The following KANSL3 variants were observed in gnomAD, a reference collection of about 807,000 sequenced individuals.
KANSL3 encodes KAT8 regulatory NSL complex subunit 3.
In KANSL3, 16 loss-of-function variants were observed where a neutral mutation model predicts 89.2. The observed-to-expected ratio is 0.18, with a 90% CI of 0.12 to 0.27. The LOEUF (loss-of-function observed/expected upper bound fraction) is 0.27. Among genes scored for constraint, KANSL3 ranks in the 10% least tolerant of loss-of-function variants. The pLI is 1.00. For missense variants in KANSL3, 879 were observed against 1,110.6 expected (o/e 0.79, Z 2.96); for synonymous variants, 385 against 419.7 (o/e 0.92, Z 1.01).
chr2:96,632,733 A>T (rs1287670132), intron 2 of KANSL3, among the ~76,000 whole-genome samples: 1 of 152,044 alleles, frequency 6.6e-6, no homozygotes, highest in African/African-American at 2.4e-5. Flanking sequence ...GACTACTTAA[A>T]TTGAGGCAGG....
intron 3 of KANSL3, among the ~76,000 whole-genome samples, chr2:96,624,127 A>G (rs932601165): frequency 1.3e-5 from 2 of 152,228 alleles, no homozygotes; most frequent in Non-Finnish European, 2.9e-5. Context: ...CCTCAACTCA[A>G]TGTTGGGACT....
chr2:96,628,059 C>G, intron 3 of KANSL3: 1 of 1,290,404 alleles, frequency 7.7e-7, no homozygotes, highest in Non-Finnish European at 1.0e-6. Context: ...AATGTCATAA[C>G]AGAAGGGTGG....
chr2:96,611,308 C>G (rs1238041023), intron 9 of KANSL3, among the ~76,000 whole-genome samples, 170 bp from the exon 10 acceptor site: 1 of 152,170 alleles, frequency 6.6e-6, no homozygotes, highest in African/African-American at 2.4e-5. Context: ...GCACAAGACA[C>G]AAGGTATGTC....
chr2:96,619,316 A>G (rs934130097), intron 5 of KANSL3, 43 bp downstream of exon 5: 1 of 1,552,954 alleles, frequency 6.4e-7, no homozygotes, highest in Admixed American at 1.8e-5. Context: ...ACAGGGGAGG[A>G]TGGCTATCCC....
intron 3 of KANSL3, among the ~76,000 whole-genome samples, chr2:96,621,935 G>C (rs2071362507): frequency 6.6e-6 from 1 of 151,908 alleles, no homozygotes; most frequent in South Asian, 2.1e-4. Context: ...CCAACACAGT[G>C]AAACCCTGTC....
rs1272193774 is a variant in KANSL3, at chr2:96,602,138, A to G, written c.2460T>C (p.Ala820=). 2 of 1,586,912 alleles carry G rather than the reference A, an allele frequency of 1.3e-6. No homozygotes were observed. The highest frequency in any genetic ancestry group is 3.6e-5 in the Admixed American group (2 of 55,812). The change falls in exon 19 of 21, where the codon GCT becomes GCC. Residue 820 remains alanine, a synonymous_variant. Transcript: ENST00000431828. ...AKLASSLPGL[A]QISNQASGLK... is the part of the protein sequence containing the mutation. ...CACCTGATGCTTGGTTAGAGATCTGAGCCAGGCCAGGGAGGCTGCTTGCCA... is the reference window on the plus strand; with the variant it reads ...CACCTGATGCTTGGTTAGAGATCTGGGCCAGGCCAGGGAGGCTGCTTGCCA...
Position 96,594,376 on chromosome 2 carries a change from G to A in KANSL3, c.*1235C>T, listed in dbSNP as rs1327943524. ...TCTAAAACTATCTTTGCACACAAGT[G>A]TTGTGAAGAGGTAAGCAGGGGATCA... On this transcript the variant is annotated 3_prime_UTR_variant, in exon 21 of 21. Transcript: ENST00000431828. 1.3e-5 allele frequency: 2 copies of A among 152,210 alleles called. No homozygotes were observed. Among genetic ancestry groups the A allele is most frequent in the Non-Finnish European group, 2.9e-5 (2 of 68,050 alleles). 9.4% of individuals were successfully genotyped at this position (152,210 alleles called of 1,614,324 possible). A position where few individuals can be genotyped will look rare whatever the true frequency, so the allele number is the denominator to read the frequency against.
downstream of KANSL3, among the ~76,000 whole-genome samples, chr2:96,589,252 A>C (rs1180472888): frequency 1.3e-5 from 2 of 152,228 alleles, no homozygotes; most frequent in African/African-American, 4.8e-5. Flanking sequence ...TAAAAACTCT[A>C]ATTAAAAGAA....
chr2:96,597,086 T>G (rs1157956617), intron 20 of KANSL3, among the ~76,000 whole-genome samples: 3 of 152,246 alleles, frequency 2.0e-5, no homozygotes, highest in Non-Finnish European at 4.4e-5. Context: ...GTGTTCACTT[T>G]TCTTTTTAAA....
intron 20 of KANSL3, chr2:96,601,297 C>T (rs1033041696): frequency 1.3e-5 from 13 of 983,292 alleles, no homozygotes; most frequent in African/African-American, 3.5e-5. Context: ...AAAGAAAGAG[C>T]ATTAGCCAAG....
At chr2:96,617,931 C>G (rs921200056) in intron 5 of KANSL3, among the ~76,000 whole-genome samples, 3 of 148,708 alleles carry the variant, frequency 2.0e-5, no homozygotes, top group South Asian at 4.3e-4. Context: ...TGCAGTGAGC[C>G]GAGATCGTGC....
chr2:96,633,726 G>A (rs1367357554), intron 2 of KANSL3, among the ~76,000 whole-genome samples: 2 of 152,098 alleles, frequency 1.3e-5, no homozygotes, highest in Non-Finnish European at 1.5e-5. Flanking sequence ...TTAGCTGGGT[G>A]TGGCAGCGTG....
rs751662202 is a variant in KANSL3, at chr2:96,608,591, T to C, written c.1658A>G (p.Lys553Arg). The C allele has an allele frequency of 6.2e-7, 1 of 1,613,886 alleles. No individual in the cohort carries two copies. Among genetic ancestry groups the C allele is most frequent in the African/African-American group, 1.3e-5 (1 of 74,922 alleles). Residue 553 changes from lysine to arginine, a missense_variant, in exon 14 of 21, where the codon AAG (lysine) becomes AGG (arginine). Lys to Arg is a conservative substitution (Grantham distance 26, BLOSUM62 2). Transcript: ENST00000431828. ...CTGAGAACTTCCAATCTGACTGGAC[T>C]TCTGGGCAGAGGTCACTGTGGTCAC... ...TKVTTVTSAQKSSQIGSSQLL... is the reference protein window; with the variant it reads ...TKVTTVTSAQRSSQIGSSQLL...
downstream of KANSL3, among the ~76,000 whole-genome samples, chr2:96,589,119 TAA>T (rs780655688): frequency 1.5e-3 from 229 of 152,154 alleles, 1 homozygote; most frequent in Non-Finnish European, 2.2e-3. Context: ...AATTGTATTC[TAA>T]AAAAAGTGTT....
intron 5 of KANSL3, among the ~76,000 whole-genome samples, chr2:96,616,606 G>A (rs2070169105): frequency 6.6e-6 from 1 of 152,198 alleles, no homozygotes; most frequent in African/African-American, 2.4e-5. Flanking sequence ...TATCCTTTGG[G>A]AAACAACCAA....
At chr2:96,586,432 A>G in the KANSL3 span, among the ~76,000 whole-genome samples, 1 of 152,060 alleles carries the variant, frequency 6.6e-6, no homozygotes, top group Non-Finnish European at 1.5e-5. Context: ...AAAATAAGAA[A>G]GATTTTCTGT....
intron 5 of KANSL3, among the ~76,000 whole-genome samples, chr2:96,616,298 A>G (rs928883177): frequency 6.6e-6 from 1 of 152,220 alleles, no homozygotes; most frequent in Non-Finnish European, 1.5e-5. Context: ...AGCTTTATCT[A>G]ACAGTAGTAT....
At chr2:96,580,871 T>C in the KANSL3 span, among the ~76,000 whole-genome samples, 3 of 152,220 alleles carry the variant, frequency 2.0e-5, no homozygotes, top group African/African-American at 2.4e-5. Context: ...GCCCATGAGA[T>C]AACTGCACTC....
At chr2:96,616,702 G>C (rs967395196) in intron 5 of KANSL3, among the ~76,000 whole-genome samples, 2 of 152,210 alleles carry the variant, frequency 1.3e-5, no homozygotes, top group Admixed American at 1.3e-4. Context: ...AGCCCAGAGA[G>C]GATGTTGCCT....
Sources: gnomAD v4.1 joint callset for allele counts (sites outside exome capture counted in the v4.1 genomes callset) on GRCh38, gnomAD v4.1.1 for gene constraint, MANE v1.5 for transcripts, NCBI Gene and HGNC (gene_info 2026-07-23, HGNC 2026-07-21) for gene names.